AKAP8L: variants seen among roughly 807,000 people sequenced by gnomAD.
AKAP8L encodes A-kinase anchor protein 8-like.
A neutral mutation model predicts 77.5 loss-of-function variants in AKAP8L; 34 were observed. The observed-to-expected ratio is 0.44, with a 90% CI of 0.33 to 0.58. The LOEUF is 0.58. Ranked by LOEUF, AKAP8L falls within the 20% of genes least tolerant of loss-of-function variation. The pLI is 0.02. For synonymous variants in AKAP8L, 342 were observed against 340.7 expected, an observed-to-expected ratio of 1.00 and a Z score of -0.04; for missense variants, 806 against 887.6, an observed-to-expected ratio of 0.91 and a Z score of 1.17.
intron 2 of AKAP8L, among the ~76,000 whole-genome samples, chr19:15,409,508 T>C (rs1318665837): frequency 1.3e-5 from 2 of 152,216 alleles, no homozygotes; most frequent in Non-Finnish European, 2.9e-5. Flanking sequence ...CAGTGACCCC[T>C]GAAGGCATGT....
At chr19:15,413,069 C>T (rs1968137599) in intron 1 of AKAP8L, among the ~76,000 whole-genome samples, 1 of 152,184 alleles carries the variant, frequency 6.6e-6, no homozygotes, top group African/African-American at 2.4e-5. Flanking sequence ...ACCACAGCAG[C>T]AGCAGCCAAC....
At position 15,404,108 on chromosome 19, in the gene AKAP8L, A is replaced by T. The variant is rs1414814389; in HGVS notation, c.89-66T>A. The T allele has an allele frequency of 3.9e-6, 6 of 1,538,274 alleles. No individual in the cohort carries two copies. In the African/African-American group the frequency reaches 8.2e-5, roughly 21 times the overall value. On this transcript the variant is annotated intron_variant, in intron 2 of 13. Coordinates refer to ENST00000397410, the MANE Select transcript of AKAP8L (RefSeq NM_014371.4). Reference sequence around the variant, plus strand: ...CAATACAAGGCCATAATTCAGGCGCAGACAATTATTCCCAGGACCTGACTG... The same window carrying T: ...CAATACAAGGCCATAATTCAGGCGCTGACAATTATTCCCAGGACCTGACTG...
intron 1 of AKAP8L, among the ~76,000 whole-genome samples, chr19:15,415,629 G>A (rs534924272): frequency 5.8e-4 from 89 of 152,174 alleles, no homozygotes; most frequent in African/African-American, 2.1e-3. Context: ...GCTCATGCCC[G>A]TAATCCCAGC....
chr19:15,413,054 T>A (rs1192713977), intron 1 of AKAP8L, among the ~76,000 whole-genome samples: 2 of 152,222 alleles, frequency 1.3e-5, no homozygotes, highest in Non-Finnish European at 2.9e-5. Flanking sequence ...ATTTTATCTC[T>A]TAAGACCACA....
At chr19:15,391,687 C>G (rs1337919408) in intron 12 of AKAP8L, among the ~76,000 whole-genome samples, 1 of 150,788 alleles carries the variant, frequency 6.6e-6, no homozygotes, top group Non-Finnish European at 1.5e-5. Flanking sequence ...TACAGGTGCC[C>G]GCCACCACAC....
chr19:15,385,674 A>AGG (rs576732668), intron 12 of AKAP8L, among the ~76,000 whole-genome samples: 5 of 151,422 alleles, frequency 3.3e-5, no homozygotes, highest in Non-Finnish European at 7.4e-5. Flanking sequence ...ATCACAGCTC[A>AGG]TTGCAGCCTC....
At chr19:15,413,962 C>T (rs991765919) in intron 1 of AKAP8L, among the ~76,000 whole-genome samples, 1 of 152,200 alleles carries the variant, frequency 6.6e-6, no homozygotes, top group Admixed American at 6.5e-5. Flanking sequence ...TAACTCTATA[C>T]CCTGCACCAC....
chr19:15,416,798 C>G (rs376419729), intron 1 of AKAP8L, among the ~76,000 whole-genome samples: 3 of 152,160 alleles, frequency 2.0e-5, no homozygotes, highest in Non-Finnish European at 4.4e-5. Context: ...TCCTTTCCCA[C>G]GTATAAATAA....
chr19:15,388,711 C>T (rs1415755768), intron 12 of AKAP8L, among the ~76,000 whole-genome samples: 2 of 142,548 alleles, frequency 1.4e-5, no homozygotes, highest in African/African-American at 2.6e-5. Context: ...GTCAGGAGAT[C>T]GAGACCATCC....
In AKAP8L at chr19:15,397,523, G is replaced by C. The variant is rs757523394; in HGVS notation, c.1402C>G (p.Gln468Glu). Residue 468 changes from glutamine (Q) to glutamate (E), a missense_variant, in exon 11 of 14, where the codon CAG becomes GAG. Transcript: ENST00000397410. This position sits in a 1 kb window ranked among gnomAD's most constrained non-coding sequence, Gnocchi z 4.7. ...QQIYRDQDLT[Q>E]EIAMEHFVKK... ...AGTGGGCTGAAAATCTCCTCACCCT[G>C]GGTCAGATCCTGGTCTCTGTAGATT... The C allele has an allele frequency of 1.2e-6, 2 of 1,612,306 alleles. No homozygotes were observed. Among genetic ancestry groups the C allele is most frequent in the East Asian group, 4.5e-5 (2 of 44,880 alleles).
intron 1 of AKAP8L, among the ~76,000 whole-genome samples, chr19:15,413,155 A>G (rs568781019): frequency 9.2e-5 from 14 of 152,294 alleles, no homozygotes; most frequent in Non-Finnish European, 2.1e-4. Context: ...CACCACAGAC[A>G]ATAAGGGCAG....
chr19:15,415,674 C>T (rs922228814), intron 1 of AKAP8L, among the ~76,000 whole-genome samples: 5 of 152,032 alleles, frequency 3.3e-5, no homozygotes, highest in East Asian at 1.9e-4. Flanking sequence ...ATCACAAGGT[C>T]AGGAGATCAA....
Position 15,399,826 on chromosome 19 carries a change from AG to A in AKAP8L, c.1049-417del, listed in dbSNP as rs1431474837. 3.2e-6 allele frequency: 1 copy of A among 312,168 alleles called. No homozygotes were observed. The highest frequency in any genetic ancestry group is 2.1e-5 in the African/African-American group (1 of 47,038). 19.3% of individuals were successfully genotyped at this position (312,168 alleles called of 1,614,324 possible). On this transcript the variant is annotated intron_variant, in intron 8 of 13. Transcript: ENST00000397410. The surrounding 1 kb of genome is among the most constrained non-coding windows in gnomAD (Gnocchi z 6.1). ...GTGGGCTGACGCTGGATTTGCTGTTAGGTACCTGCTGGCGCTCATCACTCAG... is the reference window on the plus strand; with the variant it reads ...GTGGGCTGACGCTGGATTTGCTGTTAGTACCTGCTGGCGCTCATCACTCAG...
chr19:15,385,544 A>G (rs1967516548), intron 12 of AKAP8L, among the ~76,000 whole-genome samples: 1 of 152,174 alleles, frequency 6.6e-6, no homozygotes, highest in Admixed American at 6.5e-5. Context: ...CTTATAATGT[A>G]TCATACATAG....
intron 1 of AKAP8L, among the ~76,000 whole-genome samples, chr19:15,412,336 C>G (rs1968120912): frequency 6.6e-6 from 1 of 152,022 alleles, no homozygotes; most frequent in Non-Finnish European, 1.5e-5. Flanking sequence ...GAGTGGAGAT[C>G]GTGCCACTGC....
chr19:15,407,775 A>G (rs947206284), intron 2 of AKAP8L, among the ~76,000 whole-genome samples: 3 of 152,208 alleles, frequency 2.0e-5, no homozygotes, highest in Non-Finnish European at 4.4e-5. Flanking sequence ...AGAAGACTTG[A>G]TATTGTTAAG....
At chr19:15,382,437 A>G (rs1599584471) in intron 12 of AKAP8L, among the ~76,000 whole-genome samples, 4 of 152,278 alleles carry the variant, frequency 2.6e-5, no homozygotes, top group Admixed American at 2.6e-4. Flanking sequence ...TCCTGAGCTC[A>G]GGACCTCCAC....
At chr19:15,405,139 T>G (rs544169217) in intron 2 of AKAP8L, among the ~76,000 whole-genome samples, 1 of 152,220 alleles carries the variant, frequency 6.6e-6, no homozygotes, top group African/African-American at 2.4e-5. Context: ...GTAAGAGAGA[T>G]GCTAACAGCC....
intron 12 of AKAP8L, among the ~76,000 whole-genome samples, chr19:15,390,572 G>C (rs1265282160): frequency 3.3e-5 from 5 of 152,044 alleles, no homozygotes; most frequent in Admixed American, 3.3e-4. Context: ...AATGACAACT[G>C]TATGAGGCCA....
Sources: allele counts gnomAD v4.1 joint callset (sites outside exome capture counted in the v4.1 genomes callset), GRCh38; gene constraint gnomAD v4.1.1; non-coding constraint Gnocchi (gnomAD v3.1); transcripts MANE v1.5; gene names NCBI Gene and HGNC (gene_info 2026-07-23, HGNC 2026-07-21).